DIP2B: variants seen among roughly 807,000 people sequenced by gnomAD.
DIP2B encodes DIP2 acetate--CoA ligase B (putative).
A neutral mutation model predicts 198.0 loss-of-function variants in DIP2B; 76 were observed. The observed-to-expected ratio is 0.38, with a 90% confidence interval of 0.32 to 0.46. The LOEUF is 0.46. DIP2B is among the 20% of genes least tolerant of loss of function. The pLI, the probability that DIP2B is intolerant of heterozygous loss-of-function variation, is 0.99. For missense variants in DIP2B, 1,559 were observed against 1,978.4 expected (o/e 0.79, Z 4.02); for synonymous variants, 701 against 739.1 (o/e 0.95, Z 0.84).
chr12:50,636,387 T>G (rs1938160295), intron 2 of DIP2B, among the ~76,000 whole-genome samples: 3 of 152,304 alleles, frequency 2.0e-5, no homozygotes, highest in South Asian at 2.1e-4. Context: ...TGCTTTCATT[T>G]GTTTGGTTTG....
chr12:50,686,547 C>G (rs774358670), intron 11 of DIP2B, 26 bp from the exon 12 acceptor site: 77 of 1,610,038 alleles, frequency 4.8e-5, no homozygotes, highest in Non-Finnish European at 6.3e-5. Flanking sequence ...TTAGGCAATT[C>G]AATTTTCACT....
intron 3 of DIP2B, 130 bp downstream of exon 3, chr12:50,640,982 T>A: frequency 8.8e-7 from 1 of 1,138,408 alleles, no homozygotes; most frequent in Non-Finnish European, 1.2e-6. Context: ...ATTAACTCAT[T>A]CACCAATCAT....
At chr12:50,691,633 T>C (rs1939223810) in intron 13 of DIP2B, among the ~76,000 whole-genome samples, 1 of 152,230 alleles carries the variant, frequency 6.6e-6, no homozygotes, top group Non-Finnish European at 1.5e-5. Flanking sequence ...GTTTTCCCTT[T>C]ATAAAATGAA....
chr12:50,694,672 T>TA (rs35200052), intron 14 of DIP2B, among the ~76,000 whole-genome samples: 8 of 150,136 alleles, frequency 5.3e-5, no homozygotes, highest in East Asian at 1.9e-4. Context: ...TTTTTTTTTT[T>TA]AAAGCATATG....
intron 1 of DIP2B, among the ~76,000 whole-genome samples, chr12:50,621,204 C>G (rs1043421817): frequency 6.6e-6 from 1 of 152,236 alleles, no homozygotes; most frequent in Non-Finnish European, 1.5e-5. Context: ...CAGATTCTCA[C>G]TGATTTCTTT....
intron 1 of DIP2B, among the ~76,000 whole-genome samples, chr12:50,547,283 A>G (rs1958386266): frequency 6.6e-6 from 1 of 152,218 alleles, no homozygotes; most frequent in Admixed American, 6.5e-5. Context: ...ATGACTGTAC[A>G]ACACTAGAGT....
At chr12:50,529,967 A>G (rs1958201486) in intron 1 of DIP2B, among the ~76,000 whole-genome samples, 1 of 152,274 alleles carries the variant, frequency 6.6e-6, no homozygotes, top group South Asian at 2.1e-4. Flanking sequence ...ATAGTAAAGC[A>G]TGAATTGAAA....
intron 1 of DIP2B, among the ~76,000 whole-genome samples, chr12:50,571,087 G>A (rs1172147658): frequency 6.6e-6 from 1 of 151,940 alleles, no homozygotes; most frequent in Non-Finnish European, 1.5e-5. Context: ...AAAAGAAAAT[G>A]CCATCGCAAT....
At chr12:50,690,300 G>T (rs149457405) in intron 12 of DIP2B, among the ~76,000 whole-genome samples, 1 of 152,144 alleles carries the variant, frequency 6.6e-6, no homozygotes, top group African/African-American at 2.4e-5. Flanking sequence ...ATTAGCCAGG[G>T]TGGTCTCGAT....
intron 36 of DIP2B, 120 bp downstream of exon 36, chr12:50,739,706 T>TC (rs1940206140): frequency 8.3e-7 from 1 of 1,203,928 alleles, no homozygotes; most frequent in African/African-American, 1.5e-5. Flanking sequence ...CGGTGACTCT[T>TC]AAACCCATAA....
chr12:50,531,307 C>T (rs2139363863), intron 1 of DIP2B, among the ~76,000 whole-genome samples: 1 of 152,190 alleles, frequency 6.6e-6, no homozygotes, highest in East Asian at 1.9e-4. Context: ...CTCGGCCTCC[C>T]AGAGTGCTGG....
intron 1 of DIP2B, among the ~76,000 whole-genome samples, chr12:50,624,025 A>G (rs1016868844): frequency 6.6e-6 from 1 of 152,252 alleles, no homozygotes; most frequent in Non-Finnish European, 1.5e-5. Context: ...TACTGTAAAC[A>G]GTAGAGCACA....
chr12:50,690,944 A>G, intron 12 of DIP2B, 105 bp from the exon 13 acceptor site: 1 of 851,242 alleles, frequency 1.2e-6, no homozygotes, highest in Non-Finnish European at 1.8e-6. Flanking sequence ...TGTTAAATTC[A>G]GCCCATTATG....
chr12:50,699,094 A>G lies in DIP2B; in HGVS notation c.2217A>G (p.Gly739=), dbSNP rs771705441. 7 of 1,614,012 alleles carry G rather than the reference A, an allele frequency of 4.3e-6. No homozygotes were observed. In the South Asian group the frequency reaches 6.6e-5, roughly 15 times the overall value. The stretch of plus-strand genomic sequence containing the variant: ...TGATGTGCATTGTGAAACCAGATGG[A>G]CCTCCCCAGCTCTGCAAAACAGATG... ...GGMMCIVKPD[G]PPQLCKTDEI... Residue 739 remains glycine, a synonymous_variant, in exon 19 of 38, where the codon GGA becomes GGG. Coordinates refer to ENST00000301180, the MANE Select transcript of DIP2B (RefSeq NM_173602.3).
At chr12:50,696,226 G>A (rs767416605) in intron 16 of DIP2B, among the ~76,000 whole-genome samples, 12 of 152,162 alleles carry the variant, frequency 7.9e-5, no homozygotes, top group Non-Finnish European at 1.8e-4. Context: ...CTAGATGACT[G>A]CTAATCTATT....
intron 25 of DIP2B, 127 bp from the exon 26 acceptor site, chr12:50,721,146 T>G: frequency 7.2e-7 from 1 of 1,380,454 alleles, no homozygotes; most frequent in Non-Finnish European, 9.6e-7. Context: ...TTCACTAGAA[T>G]TGATAACTTG....
chr12:50,544,142 C>T (rs1004536139), intron 1 of DIP2B, among the ~76,000 whole-genome samples: 29 of 151,136 alleles, frequency 1.9e-4, no homozygotes, highest in African/African-American at 5.3e-4. Flanking sequence ...GCAGGGGAAT[C>T]GCTTGAACCT....
intron 1 of DIP2B, among the ~76,000 whole-genome samples, chr12:50,602,618 T>G (rs1262486127): frequency 1.3e-5 from 2 of 152,102 alleles, no homozygotes; most frequent in Non-Finnish European, 2.9e-5. Flanking sequence ...CCCAGCATTT[T>G]GGGAGGCCGA....
chr12:50,536,711 T>A (rs1958270997), intron 1 of DIP2B, among the ~76,000 whole-genome samples: 1 of 151,746 alleles, frequency 6.6e-6, no homozygotes, highest in East Asian at 1.9e-4. Flanking sequence ...GGGACTACAG[T>A]TGCATGCCAC....
Sources: gnomAD v4.1 joint callset for allele counts (sites outside exome capture counted in the v4.1 genomes callset) on GRCh38, gnomAD v4.1.1 for gene constraint, MANE v1.5 for transcripts, NCBI Gene and HGNC (gene_info 2026-07-23, HGNC 2026-07-21) for gene names.